Variants in SPARCL1 observed in about 807,000 individuals in gnomAD.
The protein encoded by SPARCL1 is SPARC-like protein 1.
Under a neutral mutation model 67.1 loss-of-function variants are expected in SPARCL1, and 52 were observed. That is an observed-to-expected ratio of 0.78 (90% CI 0.62 to 0.98). The LOEUF (loss-of-function observed/expected upper bound fraction) is 0.98, where lower values mean the gene tolerates loss of function less well. Ranked by LOEUF, SPARCL1 falls within the 50% of genes least tolerant of loss-of-function variation. The probability of loss-of-function intolerance (pLI) is 0.00; values close to 1 mark genes in which losing one functional copy is unlikely to be tolerated. For synonymous variants in SPARCL1, 226 were observed against 267.8 expected (o/e 0.84, Z 1.52); for missense variants, 717 against 782.4 (o/e 0.92, Z 1.00).
At chr4:87,494,901 T>G in intron 3 of SPARCL1, 80 bp downstream of exon 3, 1 of 1,282,186 alleles carries the variant, frequency 7.8e-7, no homozygotes, top group South Asian at 1.4e-5. Flanking sequence ...ATAAATAACA[T>G]AATCTCTTTT....
At chr4:87,478,358 C>A (rs1319191644) in intron 10 of SPARCL1, among the ~76,000 whole-genome samples, 1 of 151,944 alleles carries the variant, frequency 6.6e-6, no homozygotes, top group East Asian at 1.9e-4. Flanking sequence ...AATGCATTAC[C>A]TCACATACTA....
chr4:87,479,959 T>G lies in SPARCL1; in HGVS notation c.1818-381A>C, dbSNP rs182115248. ...AGAATGAGAAAGTTGGAGGAGTATC[T>G]GTGGGAAGCTGGACCTTAACATGTA... On this transcript the variant is annotated intron_variant, in intron 9 of 10. Coordinates refer to ENST00000282470, the MANE Select transcript of SPARCL1 (RefSeq NM_004684.6). Among the ~76,000 whole-genome samples the G allele has an allele frequency of 9.2e-5, 14 of 152,168 alleles. No individual in the cohort carries two copies. In the South Asian group the frequency reaches 2.5e-3, roughly 27 times the overall value.
intron 8 of SPARCL1, 69 bp from the exon 9 acceptor site, chr4:87,480,589 A>T: frequency 3.1e-5 from 41 of 1,310,572 alleles, no homozygotes; most frequent in Non-Finnish European, 4.2e-5. Flanking sequence ...CTTGCTATAA[A>T]CTTTACTTGA....
chr4:87,481,873 T>C (rs1405341731), intron 8 of SPARCL1, among the ~76,000 whole-genome samples: 1 of 152,210 alleles, frequency 6.6e-6, no homozygotes, highest in Non-Finnish European at 1.5e-5. Flanking sequence ...GAATGTAAAC[T>C]CATGAAGGCA....
chr4:87,524,728 CTTG>C (rs1725968957), intron 1 of SPARCL1, among the ~76,000 whole-genome samples: 1 of 152,332 alleles, frequency 6.6e-6, no homozygotes, highest in Admixed American at 6.5e-5. Context: ...ATTGGCAATA[CTTG>C]TTGTCTCAGT....
At chr4:87,520,145 C>T (rs1296994081) in intron 1 of SPARCL1, among the ~76,000 whole-genome samples, 1 of 150,096 alleles carries the variant, frequency 6.7e-6, no homozygotes, top group Non-Finnish European at 1.5e-5. Context: ...GAGGCTGAGG[C>T]AGGAGAATCA....
rs1194029918 is a variant in SPARCL1 at position 87,480,427 on chromosome 4, A to T, written c.1762T>A (p.Tyr588Asn). The T allele has an allele frequency of 1.9e-6, 3 of 1,613,404 alleles. No individual in the cohort carries two copies. The African/African-American group carries it at 4.0e-5, about 22-fold the overall frequency. Residue 588 changes from tyrosine to asparagine, a missense_variant, in exon 9 of 11, where the codon TAT becomes AAT. Transcript: ENST00000282470. The stretch of plus-strand genomic sequence containing the variant: ...AACTGCCAGTGCACAGGATACACAT[A>T]CATGTGGTAGTTTTTCTTAAAGTCC... ...LRDFKKNYHM[Y>N]VYPVHWQFSE...
chr4:87,499,418 G>T (rs1462508987), intron 2 of SPARCL1, 103 bp downstream of exon 2: 7 of 938,130 alleles, frequency 7.5e-6, no homozygotes, highest in African/African-American at 3.4e-5. Context: ...AAAATAAAAA[G>T]AGAATTTCAA....
intron 1 of SPARCL1, among the ~76,000 whole-genome samples, chr4:87,512,031 C>T (rs1321035910): frequency 7.2e-6 from 1 of 138,366 alleles, no homozygotes; most frequent in Admixed American, 7.8e-5. Flanking sequence ...GTGGCGTGAT[C>T]TAGGCTCACT....
At chr4:87,478,599 G>A (rs570173177) in intron 10 of SPARCL1, among the ~76,000 whole-genome samples, 4 of 151,804 alleles carry the variant, frequency 2.6e-5, no homozygotes, top group East Asian at 1.9e-4. Flanking sequence ...CACCAAGCCC[G>A]CCTAATTTTT....
chr4:87,500,564 G>A (rs768903848), intron 1 of SPARCL1, among the ~76,000 whole-genome samples: 10 of 151,984 alleles, frequency 6.6e-5, no homozygotes, highest in African/African-American at 4.8e-5. Context: ...TTTATGGATC[G>A]CCCAGAAATA....
chr4:87,511,890 T>G (rs1455261435), intron 1 of SPARCL1, among the ~76,000 whole-genome samples: 6 of 151,914 alleles, frequency 3.9e-5, no homozygotes, highest in Admixed American at 3.9e-4. Flanking sequence ...AAAGGGAATA[T>G]GCAGTTACAG....
intron 1 of SPARCL1, among the ~76,000 whole-genome samples, chr4:87,509,584 G>A (rs551104579): frequency 2.0e-5 from 3 of 152,328 alleles, no homozygotes; most frequent in African/African-American, 7.2e-5. Flanking sequence ...CAGCATGGGT[G>A]AAGTTGCAGA....
chr4:87,502,679 C>T (rs1456548701), intron 1 of SPARCL1, among the ~76,000 whole-genome samples: 1 of 152,024 alleles, frequency 6.6e-6, no homozygotes, highest in African/African-American at 2.4e-5. Flanking sequence ...CTTTTTTCCC[C>T]AGTTAGTTTG....
intron 1 of SPARCL1, among the ~76,000 whole-genome samples, chr4:87,525,740 C>T (rs560986838): frequency 6.6e-6 from 1 of 152,242 alleles, no homozygotes; most frequent in African/African-American, 2.4e-5. Context: ...GGAAACAAGC[C>T]AGGACTGGAG....
intron 1 of SPARCL1, among the ~76,000 whole-genome samples, chr4:87,522,418 C>G (rs940502910): frequency 1.3e-5 from 2 of 151,678 alleles, no homozygotes; most frequent in Admixed American, 1.3e-4. Flanking sequence ...TAAAAGTATA[C>G]ATTAAACCTG....
At chr4:87,504,405 C>T (rs577907634) in intron 1 of SPARCL1, among the ~76,000 whole-genome samples, 8 of 151,982 alleles carry the variant, frequency 5.3e-5, no homozygotes, top group South Asian at 4.2e-4. Flanking sequence ...TTATTTAGAA[C>T]GGGTAATGGC....
At chr4:87,512,459 T>C (rs1022699209) in intron 1 of SPARCL1, among the ~76,000 whole-genome samples, 10 of 152,164 alleles carry the variant, frequency 6.6e-5, no homozygotes, top group African/African-American at 1.9e-4. Context: ...GCAAGCATGA[T>C]GCCAGCAGAA....
At chr4:87,488,254 G>T (rs1315159409) in intron 7 of SPARCL1, among the ~76,000 whole-genome samples, 1 of 152,180 alleles carries the variant, frequency 6.6e-6, no homozygotes, top group African/African-American at 2.4e-5. Context: ...GGTCTTTGAT[G>T]TTAGTGGCCT....
Sources: gnomAD v4.1 joint callset for allele counts (sites outside exome capture counted in the v4.1 genomes callset) on GRCh38, gnomAD v4.1.1 for gene constraint, MANE v1.5 for transcripts, NCBI Gene and HGNC (gene_info 2026-07-23, HGNC 2026-07-21) for gene names.